SEPTIN12: variants seen among roughly 807,000 people sequenced by gnomAD.
SEPTIN12 encodes septin 12.
Under a neutral mutation model 37.7 loss-of-function variants are expected in SEPTIN12, and 42 were observed. That is an observed-to-expected ratio of 1.11 (90% CI 0.87 to 1.44). The LOEUF is 1.44. Among genes scored for constraint, SEPTIN12 ranks in the 40% most tolerant of loss-of-function variants. The pLI, the probability that SEPTIN12 is intolerant of heterozygous loss-of-function variation, is 0.00. For synonymous variants in SEPTIN12, 254 were observed against 196.7 expected, an observed-to-expected ratio of 1.29 and a Z score of -2.44; for missense variants, 613 against 479.2, an observed-to-expected ratio of 1.28 and a Z score of -2.61.
chr16:4,778,693 G>A (rs1041175318), intron 8 of SEPTIN12, among the ~76,000 whole-genome samples: 2 of 152,028 alleles, frequency 1.3e-5, no homozygotes, highest in Non-Finnish European at 2.9e-5. Flanking sequence ...CCAGCTATTT[G>A]GGAGGCTGAG....
intron 2 of SEPTIN12, among the ~76,000 whole-genome samples, chr16:4,786,557 A>G (rs912175332): frequency 2.0e-5 from 3 of 151,060 alleles, no homozygotes; most frequent in African/African-American, 7.3e-5. Context: ...GGGTTTCACC[A>G]TGTTAGCCAG....
At position 4,777,624 on chromosome 16, in the gene SEPTIN12, C is replaced by G; in HGVS notation, c.*173G>C. 1.7e-6 allele frequency: 1 copy of G among 589,934 alleles called. No homozygotes were observed. The highest frequency in any genetic ancestry group is 4.5e-4 in the Middle Eastern group (1 of 2,214). The allele number at this position is 589,934 out of a possible 1,614,324, so 36.5% of individuals were successfully genotyped here. A position where few individuals can be genotyped will look rare whatever the true frequency, so the allele number is the denominator to read the frequency against. On this transcript the variant is annotated 3_prime_UTR_variant, in exon 10 of 10. Transcript: ENST00000268231. ...GCCTGGGTAACAGAGTGACACCCAG[C>G]CTTTTTATTTGTGGATAGCTCAAAG...
At chr16:4,779,818 A>G in intron 7 of SEPTIN12, 32 bp from the exon 8 acceptor site, 1 of 1,453,130 alleles carries the variant, frequency 6.9e-7, no homozygotes. Flanking sequence ...AGATGGGAGG[A>G]TTGACTTCGC....
At chr16:4,786,608 G>A (rs183391482) in intron 2 of SEPTIN12, among the ~76,000 whole-genome samples, 4 of 152,130 alleles carry the variant, frequency 2.6e-5, no homozygotes, top group East Asian at 3.9e-4. Flanking sequence ...GCCTGCCTCA[G>A]CCTCCCAAAG....
In SEPTIN12 at chr16:4,785,982, T is replaced by A. The variant is rs374313037; in HGVS notation, c.290A>T (p.His97Leu). 8.1e-6 allele frequency: 13 copies of A among 1,612,814 alleles called. No homozygotes were observed. Among genetic ancestry groups the A allele is most frequent in the Non-Finnish European group, 1.1e-5 (13 of 1,179,350 alleles). Residue 97 changes from histidine (H) to leucine (L), a missense_variant and splice_region_variant, in exon 3 of 10, where the codon CAT becomes CTT. Coordinates refer to ENST00000268231, the MANE Select transcript of SEPTIN12 (RefSeq NM_144605.5). ...GGTGTGGGCAGGGGCTCACTCACCATGGGTCAGTGAATGCAGCTGCAGCGT... is the reference window on the plus strand; with the variant it reads ...GGTGTGGGCAGGGGCTCACTCACCAAGGGTCAGTGAATGCAGCTGCAGCGT... ...PQTLQLHSLT[H>L]VIEEKGVKLK...
rs756766228 is a variant in SEPTIN12, at chr16:4,783,775, G to C, written c.513-9C>G. The C allele has an allele frequency of 1.2e-6, 2 of 1,613,298 alleles. No individual in the cohort carries two copies. The highest frequency in any genetic ancestry group is 2.2e-5 in the South Asian group (2 of 91,068). ...TGTCCAGGGGCCGCAGGCTGCCGGAGGCAGGGCAGTGATGGGGGTGGCGGT... is the reference window on the plus strand; with the variant it reads ...TGTCCAGGGGCCGCAGGCTGCCGGACGCAGGGCAGTGATGGGGGTGGCGGT... On this transcript the variant is annotated splice_polypyrimidine_tract_variant and intron_variant, in intron 5 of 9. Transcript: ENST00000268231.
Position 4,778,139 on chromosome 16 carries a change from T to C in SEPTIN12, c.824-2A>G. 2 of 1,614,210 alleles carry C rather than the reference T, an allele frequency of 1.2e-6. No individual in the cohort carries two copies. The highest frequency in any genetic ancestry group is 1.7e-6 in the Non-Finnish European group (2 of 1,180,018). ...ATTCACAGTGCGCCATGTTCTCCAC[T>C]GCAAGACATGGGACTCAGTATGGGC... On this transcript the variant is annotated splice_acceptor_variant, in intron 8 of 9. Coordinates refer to ENST00000268231, the MANE Select transcript of SEPTIN12 (RefSeq NM_144605.5). LOFTEE classifies it high-confidence loss of function.
intron 4 of SEPTIN12, among the ~76,000 whole-genome samples, chr16:4,785,193 G>T (rs1363472862): frequency 6.6e-6 from 1 of 151,994 alleles, no homozygotes; most frequent in Non-Finnish European, 1.5e-5. Flanking sequence ...GGAGGTTGCA[G>T]TGAGCAGAGA....
Position 4,783,678 on chromosome 16 carries a change from TG to T in SEPTIN12, c.600del (p.Met201TrpfsTer15), listed in dbSNP as rs1352070666. ...CGCCTGAAGGCCTCTCGCTCCTCCA[TG>T]GTCAGGCTGTCGGCCCTGGCAATCA... ...VPVIARADSL[T>X]MEEREAFRRR... On this transcript the variant is annotated frameshift_variant, in exon 6 of 10. Coordinates refer to ENST00000268231, the MANE Select transcript of SEPTIN12 (RefSeq NM_144605.5). LOFTEE classifies it high-confidence loss of function. 6.2e-7 allele frequency: 1 copy of T among 1,613,968 alleles called. No homozygotes were observed. Among genetic ancestry groups the T allele is most frequent in the Non-Finnish European group, 8.5e-7 (1 of 1,180,022 alleles).
chr16:4,783,748 A>G lies in SEPTIN12; in HGVS notation c.531T>C (p.Ile177=), dbSNP rs565211440. The G allele has an allele frequency of 1.9e-6, 3 of 1,613,880 alleles. No homozygotes were observed. The Admixed American group carries it at 5.0e-5, about 27-fold the overall frequency. ...TCCGGCACAGCCGCTGCAGGAACTC[A>G]ATGTCCAGGGGCCGCAGGCTGCCGG... ...PTGHCLRPLD[I]EFLQRLCRTV... The change falls in exon 6 of 10, where the codon ATT becomes ATC. Residue 177 remains isoleucine (I), a synonymous_variant. Coordinates refer to ENST00000268231, the MANE Select transcript of SEPTIN12 (RefSeq NM_144605.5).
Position 4,777,798 on chromosome 16 carries a change from C to G in SEPTIN12, c.1076G>C (p.Ter359SerextTer35). ...AGCAGCCCCGGGATCCGCCGGTGGT[C>G]AGAACTCATCATCAGAATCGTCATG... ...GAHDDSDDEF[*>S] Residue 359 changes from the stop codon to serine, a stop_lost, in exon 10 of 10, where the codon TGA becomes TCA. Coordinates refer to ENST00000268231, the MANE Select transcript of SEPTIN12 (RefSeq NM_144605.5). The G allele has an allele frequency of 1.9e-6, 3 of 1,545,780 alleles. No homozygotes were observed. The highest frequency in any genetic ancestry group is 2.6e-6 in the Non-Finnish European group (3 of 1,145,518).
upstream of SEPTIN12, among the ~76,000 whole-genome samples, chr16:4,790,562 G>A (rs912002525): frequency 6.6e-6 from 1 of 152,176 alleles, no homozygotes; most frequent in Non-Finnish European, 1.5e-5. Context: ...GGCCAAGGTG[G>A]GCAGATCACT....
At chr16:4,783,157 C>T (rs2082390936) in intron 7 of SEPTIN12, among the ~76,000 whole-genome samples, 1 of 152,194 alleles carries the variant, frequency 6.6e-6, no homozygotes, top group Non-Finnish European at 1.5e-5. Context: ...GATCTGCCTG[C>T]CTCGGCCTCC....
At chr16:4,788,764 C>G (rs1259391529), upstream of SEPTIN12, 2 of 152,222 alleles carry the variant, frequency 1.3e-5, no homozygotes, top group African/African-American at 2.4e-5. Flanking sequence ...ATAATCAAGC[C>G]CTGTGAAGTA....
Position 4,777,992 on chromosome 16 carries a change from G to A in SEPTIN12, c.882C>T (p.His294=). The change falls in exon 10 of 10, where the codon CAC becomes CAT. Residue 294 remains histidine, a synonymous_variant. Transcript: ENST00000268231. ...GGGTTATGTCCTTCAGGTCTTGGAG[G>A]TGGGAGCTGGGGGACCGGAGACGGT... The part of the protein sequence containing the change: ...PLLRDLLIRS[H]LQDLKDITHN... The A allele has an allele frequency of 2.5e-6, 4 of 1,612,140 alleles. No individual in the cohort carries two copies. Among genetic ancestry groups the A allele is most frequent in the Non-Finnish European group, 3.4e-6 (4 of 1,179,118 alleles).
upstream of SEPTIN12, among the ~76,000 whole-genome samples, chr16:4,791,087 G>A: frequency 6.6e-6 from 1 of 152,242 alleles, no homozygotes; most frequent in East Asian, 1.9e-4. Flanking sequence ...GTCCCCTAAG[G>A]AAATGCGCCT....
chr16:4,790,279 C>CT (rs1294653815), upstream of SEPTIN12, among the ~76,000 whole-genome samples: 6 of 152,152 alleles, frequency 3.9e-5, no homozygotes, highest in African/African-American at 1.4e-4. Context: ...TACTATGCAA[C>CT]TTTTCATTGC....
At chr16:4,785,935 G>A (rs2082436545) in intron 3 of SEPTIN12, 45 bp downstream of exon 3, 2 of 1,610,522 alleles carry the variant, frequency 1.2e-6, no homozygotes, top group African/African-American at 1.3e-5. Flanking sequence ...CAGGTGGGAT[G>A]GGGTGGGGCA....
intron 4 of SEPTIN12, 133 bp downstream of exon 4, chr16:4,785,674 A>T (rs2082429313): frequency 7.6e-6 from 5 of 657,634 alleles, no homozygotes; most frequent in South Asian, 7.4e-5. Flanking sequence ...CTACTTCGGG[A>T]GGCTGAGGCA....
Sources: allele counts gnomAD v4.1 joint callset (sites outside exome capture counted in the v4.1 genomes callset), GRCh38; gene constraint gnomAD v4.1.1; transcripts MANE v1.5; gene names NCBI Gene and HGNC (gene_info 2026-07-23, HGNC 2026-07-21).